Variants in AGBL1 observed in about 807,000 individuals in gnomAD.
The protein encoded by AGBL1 is cytosolic carboxypeptidase 4.
A neutral mutation model predicts 118.9 loss-of-function variants in AGBL1; 130 were observed. The ratio of observed to expected loss-of-function variants is 1.09; its 90% CI spans 0.95 to 1.26. The LOEUF (loss-of-function observed/expected upper bound fraction) is 1.26. Among genes scored for constraint, AGBL1 ranks in the 50% most tolerant of loss-of-function variants. The probability of loss-of-function intolerance (pLI) is 0.00; values close to 1 mark genes in which losing one functional copy is unlikely to be tolerated. For synonymous variants in AGBL1, 555 were observed against 478.9 expected (o/e 1.16, Z -2.08); for missense variants, 1,584 against 1,298.1 (o/e 1.22, Z -3.38).
At chr15:87,003,444 T>C (rs2081462462) in intron 24 of AGBL1, among the ~76,000 whole-genome samples, 1 of 151,980 alleles carries the variant, frequency 6.6e-6, no homozygotes, top group African/African-American at 2.4e-5. Context: ...TTCTCTTTTT[T>C]TGTTGTGTCT....
chr15:87,011,530 C>G (rs1342765798), intron 24 of AGBL1, among the ~76,000 whole-genome samples: 2 of 152,116 alleles, frequency 1.3e-5, no homozygotes, highest in Non-Finnish European at 2.9e-5. Context: ...AAATATTCCC[C>G]TTGTATTCCT....
In AGBL1 at chr15:86,625,377, TTGTTTTTG is replaced by T. The variant is rs1256071076; in HGVS notation, c.2995-48894_2995-48887del. Among the ~76,000 whole-genome samples the T allele has an allele frequency of 7.5e-3, 287 of 38,248 alleles. 53 individuals are homozygous for T. Among genetic ancestry groups the T allele is most frequent in the East Asian group, 0.029 (21 of 724 alleles). 25.1% of individuals were successfully genotyped at this position (38,248 alleles called of 152,430 possible). A position where few individuals can be genotyped will look rare whatever the true frequency, so the allele number is the denominator to read the frequency against. ...AGAAGAAATTAGCGTTTTTTTTTTT[TTGTTTTTG>T]TTTTTTTTTTTTTTTACAAACACAG... is the stretch of plus-strand genomic sequence containing the variant. On this transcript the variant is annotated intron_variant, in intron 21 of 22. Transcript: ENST00000614907.
At chr15:86,444,279 T>C (rs996489904) in intron 18 of AGBL1, among the ~76,000 whole-genome samples, 1 of 152,190 alleles carries the variant, frequency 6.6e-6, no homozygotes, top group Non-Finnish European at 1.5e-5. Context: ...TCTTGCTGGG[T>C]TTCCTCATTC....
chr15:86,992,126 G>C (rs1380133137), intron 24 of AGBL1, among the ~76,000 whole-genome samples: 2 of 152,008 alleles, frequency 1.3e-5, no homozygotes, highest in East Asian at 1.9e-4. Context: ...AAGGGGAAGT[G>C]GGGGAAGGCA....
Position 86,248,793 on chromosome 15 carries a change from G to A in AGBL1, c.735+914G>A, listed in dbSNP as rs558648766. Among the ~76,000 whole-genome samples, 22 of 152,272 alleles carry A rather than the reference G, an allele frequency of 1.4e-4. No homozygotes were observed. The South Asian group carries it at 3.5e-3, about 24-fold the overall frequency. ...CCAATGAGGAAGATAATTTCATATC[G>A]CACTGTGAAATCAATGAAGTAAGGG... On this transcript the variant is annotated intron_variant, in intron 7 of 22. Transcript: ENST00000614907.
At chr15:86,295,053 A>C (rs2079611121) in intron 16 of AGBL1, among the ~76,000 whole-genome samples, 1 of 152,200 alleles carries the variant, frequency 6.6e-6, no homozygotes, top group Admixed American at 6.5e-5. Context: ...AACATGCAGG[A>C]ATGATGCTTC....
intron 22 of AGBL1, among the ~76,000 whole-genome samples, chr15:86,889,643 G>A (rs183209649): frequency 1.3e-5 from 2 of 152,050 alleles, no homozygotes; most frequent in Non-Finnish European, 2.9e-5. Context: ...GAGAACATGT[G>A]GTGTTTGGTT....
At chr15:86,355,241 A>G (rs1350339975) in intron 17 of AGBL1, among the ~76,000 whole-genome samples, 2 of 152,234 alleles carry the variant, frequency 1.3e-5, no homozygotes, top group Non-Finnish European at 2.9e-5. Context: ...ATTTATGTTT[A>G]CATAAAGGTA....
chr15:86,362,825 G>C (rs564296079), intron 17 of AGBL1, among the ~76,000 whole-genome samples: 1 of 152,204 alleles, frequency 6.6e-6, no homozygotes, highest in Non-Finnish European at 1.5e-5. Flanking sequence ...AGTTGAGGTG[G>C]ATGTGTTTCC....
At chr15:86,848,258 C>A (rs1384116341) in intron 22 of AGBL1, among the ~76,000 whole-genome samples, 3 of 152,126 alleles carry the variant, frequency 2.0e-5, no homozygotes, top group African/African-American at 7.2e-5. Flanking sequence ...TGGTTGATTT[C>A]CAAAGCCTGA....
intron 18 of AGBL1, among the ~76,000 whole-genome samples, chr15:86,456,786 T>A (rs541284485): frequency 2.6e-5 from 4 of 152,332 alleles, no homozygotes; most frequent in African/African-American, 7.2e-5. Flanking sequence ...GTGATTTTTT[T>A]AATGAAATGT....
chr15:86,699,905 A>G (rs2086326784), intron 22 of AGBL1, among the ~76,000 whole-genome samples: 1 of 152,070 alleles, frequency 6.6e-6, no homozygotes, highest in Non-Finnish European at 1.5e-5. Context: ...TACCAGTTTT[A>G]GCATCCACTG....
intron 5 of AGBL1, among the ~76,000 whole-genome samples, chr15:86,217,512 A>G (rs1265073330): frequency 6.6e-6 from 1 of 152,230 alleles, no homozygotes; most frequent in African/African-American, 2.4e-5. Context: ...ACTGCAAACT[A>G]AATTGTGCAA....
intron 22 of AGBL1, among the ~76,000 whole-genome samples, chr15:86,685,422 A>G (rs1317640783): frequency 6.6e-6 from 1 of 152,150 alleles, no homozygotes; most frequent in East Asian, 1.9e-4. Context: ...TTTCAGTACA[A>G]TAGGAATGGA....
intron 17 of AGBL1, among the ~76,000 whole-genome samples, chr15:86,322,169 G>A (rs182688989): frequency 3.8e-4 from 58 of 151,100 alleles, no homozygotes; most frequent in Admixed American, 3.8e-3. Context: ...GGTGAAACAT[G>A]TTTGTCTGTG....
chr15:86,445,699 C>G lies in AGBL1; in HGVS notation c.2555+48153C>G, dbSNP rs999011799. Among the ~76,000 whole-genome samples, 3 of 152,182 alleles carry G rather than the reference C, an allele frequency of 2.0e-5. 1 individual carries two copies. The South Asian group carries it at 6.2e-4, about 31-fold the overall frequency. On this transcript the variant is annotated intron_variant, in intron 18 of 22. Transcript: ENST00000614907. ...GTGGATGATTTTTCCCTCCACCTGA[C>G]CTCAGATGAGTTCATTCATCCATTT...
intron 6 of AGBL1, among the ~76,000 whole-genome samples, chr15:86,226,719 G>C (rs759147028): frequency 7.9e-5 from 12 of 152,198 alleles, no homozygotes; most frequent in Non-Finnish European, 1.3e-4. Context: ...TGAGTGTGCA[G>C]TGATGGGCCT....
At chr15:86,469,332 G>A (rs1472086508) in intron 18 of AGBL1, among the ~76,000 whole-genome samples, 1 of 152,130 alleles carries the variant, frequency 6.6e-6, no homozygotes, top group Non-Finnish European at 1.5e-5. Flanking sequence ...GTGAGACCAT[G>A]TAGTATTTAT....
chr15:86,277,147 A>ATTTT (rs60962004), intron 15 of AGBL1, among the ~76,000 whole-genome samples: 1 of 143,386 alleles, frequency 7.0e-6, no homozygotes, highest in African/African-American at 2.6e-5. Context: ...TTATAATAAG[A>ATTTT]TTTTTTTTTT....
Sources: gnomAD v4.1 joint callset for allele counts (sites outside exome capture counted in the v4.1 genomes callset) on GRCh38, gnomAD v4.1.1 for gene constraint, MANE v1.5 for transcripts, NCBI Gene and HGNC (gene_info 2026-07-23, HGNC 2026-07-21) for gene names.